Variants in TBC1D2 observed in about 807,000 individuals in gnomAD.
The protein encoded by TBC1D2 is TBC1 domain family member 2A.
Under a neutral mutation model 91.1 loss-of-function variants are expected in TBC1D2, and 58 were observed. That is an observed-to-expected ratio of 0.64 (90% CI 0.52 to 0.79). The LOEUF is 0.79. Among genes scored for constraint, TBC1D2 ranks in the 30% least tolerant of loss-of-function variants. The probability of loss-of-function intolerance (pLI) is 0.00; values close to 1 mark genes in which losing one functional copy is unlikely to be tolerated. For missense variants in TBC1D2, 1,080 were observed against 1,208.3 expected, an observed-to-expected ratio of 0.89 and a Z score of 1.57; for synonymous variants, 482 against 511.5, an observed-to-expected ratio of 0.94 and a Z score of 0.78.
At chr9:98,223,728 C>G (rs148027156) in intron 5 of TBC1D2, among the ~76,000 whole-genome samples, 28 of 152,232 alleles carry the variant, frequency 1.8e-4, no homozygotes, top group Non-Finnish European at 3.5e-4. Flanking sequence ...AGACACCAGC[C>G]CAGGAGGCTC....
intron 9 of TBC1D2, among the ~76,000 whole-genome samples, chr9:98,207,264 AT>A (rs1301803486): frequency 2.1e-4 from 32 of 152,346 alleles, no homozygotes; most frequent in African/African-American, 6.7e-4. Flanking sequence ...CTGAATGTTG[AT>A]TCTGTGTTAA....
In TBC1D2 at chr9:98,244,208, C is replaced by T. The variant is rs117541966; in HGVS notation, c.512-79G>A. The T allele has an allele frequency of 1.0e-3, 1,579 of 1,569,904 alleles. 24 individuals carry two copies. In the East Asian group the frequency reaches 0.032, roughly 32 times the overall value. On this transcript the variant is annotated intron_variant, in intron 2 of 12. Transcript: ENST00000465784. ...CAGGTCAGGTGGGATGCTATGGGTG[C>T]AGCCCTGACTGGGAACAGGCTGGAG...
intron 6 of TBC1D2, among the ~76,000 whole-genome samples, chr9:98,217,560 C>T (rs898002593): frequency 6.6e-6 from 1 of 152,242 alleles, no homozygotes; most frequent in Non-Finnish European, 1.5e-5. Context: ...GTCTGAATAA[C>T]AAGGGGCATT....
chr9:98,218,852 C>T (rs1246142049), intron 6 of TBC1D2, among the ~76,000 whole-genome samples: 7 of 152,182 alleles, frequency 4.6e-5, no homozygotes, highest in Non-Finnish European at 8.8e-5. Flanking sequence ...CACCACAAAT[C>T]TTTCTGACCC....
At chr9:98,246,992 T>TG (rs1433780539) in intron 2 of TBC1D2, among the ~76,000 whole-genome samples, 1 of 148,976 alleles carries the variant, frequency 6.7e-6, no homozygotes, top group South Asian at 2.1e-4. Context: ...CCTGTTTCCA[T>TG]GGGGAGGGTG....
chr9:98,218,244 G>A (rs561455308), intron 6 of TBC1D2, among the ~76,000 whole-genome samples: 2 of 151,926 alleles, frequency 1.3e-5, no homozygotes, highest in Non-Finnish European at 2.9e-5. Context: ...CACATACCCA[G>A]AGTCTCCATG....
chr9:98,208,741 CG>C lies in TBC1D2; in HGVS notation c.2076del (p.Asp693ThrfsTer23), dbSNP rs1564234925. 1.9e-6 allele frequency: 3 copies of C among 1,561,542 alleles called. No individual in the cohort carries two copies. Among genetic ancestry groups the C allele is most frequent in the South Asian group, 2.4e-5 (2 of 82,622 alleles). ...KHFTCPTSSF[P>X]DKLRRVLLAF... ...GCCAGCAGCACCCGGCGGAGCTTGT[CG>C]GGGAAGCTGGAGGTGGGGCAGGTGA... On this transcript the variant is annotated frameshift_variant, in exon 9 of 13. Transcript: ENST00000465784. LOFTEE classifies it high-confidence loss of function.
chr9:98,217,153 C>A (rs1334928125), intron 6 of TBC1D2, among the ~76,000 whole-genome samples: 1 of 152,248 alleles, frequency 6.6e-6, no homozygotes, highest in African/African-American at 2.4e-5. Flanking sequence ...AGTACCTCCC[C>A]CTCCAGCTCG....
At chr9:98,242,162 C>G (rs1011584705) in intron 3 of TBC1D2, among the ~76,000 whole-genome samples, 2 of 152,180 alleles carry the variant, frequency 1.3e-5, no homozygotes, top group Admixed American at 1.3e-4. Context: ...AATGCCCAGG[C>G]TGGGCGTGGT....
At chr9:98,223,921 CG>C (rs1488320364) in intron 5 of TBC1D2, among the ~76,000 whole-genome samples, 2 of 152,146 alleles carry the variant, frequency 1.3e-5, no homozygotes, top group Non-Finnish European at 2.9e-5. Context: ...TAGGTTGGGC[CG>C]GGCGTGGTGG....
intron 8 of TBC1D2, among the ~76,000 whole-genome samples, chr9:98,209,569 TGACA>T (rs938298701): frequency 6.6e-6 from 1 of 152,136 alleles, no homozygotes; most frequent in African/African-American, 2.4e-5. Flanking sequence ...ACAGCACCAA[TGACA>T]GACAGGTGGG....
chr9:98,209,756 T>TTCCCTTCCTTCCTTCCTTCCTTCCTTCC (rs369507489), intron 8 of TBC1D2, among the ~76,000 whole-genome samples: 21 of 105,582 alleles, frequency 2.0e-4, no homozygotes, highest in African/African-American at 7.1e-4. Context: ...CCTTCCTTCC[T>TTCCCTTCCTTCCTTCCTTCCTTCCTTCC]TTCCTTCCTT....
At position 98,228,742 on chromosome 9, in the gene TBC1D2, GC is replaced by G. The variant is rs1256232481; in HGVS notation, c.978+209del. 6.6e-6 allele frequency among the ~76,000 whole-genome samples: 1 copy of G among 151,188 alleles called. No homozygotes were observed. Among genetic ancestry groups the G allele is most frequent in the Non-Finnish European group, 1.5e-5 (1 of 67,716 alleles). On this transcript the variant is annotated intron_variant, in intron 5 of 12. Coordinates refer to ENST00000465784, the MANE Select transcript of TBC1D2 (RefSeq NM_001267571.2). The surrounding 1 kb of genome is among the most constrained non-coding windows in gnomAD (Gnocchi z 4.0). ...TTAGAGTAGATCTCCAGAGATACCT[GC>G]CCTTGGTGCCCTTTTGTGACTTACT...
In TBC1D2 at chr9:98,199,228, C is replaced by G. The variant is rs192334584; in HGVS notation, c.*153G>C. On this transcript the variant is annotated 3_prime_UTR_variant, in exon 13 of 13. Coordinates refer to ENST00000465784, the MANE Select transcript of TBC1D2 (RefSeq NM_001267571.2). ...AATGGCTTTGCAGCACACAATGTCC[C>G]AGTGGGGAAACTGAGGGCCAGAGAG... 8.0e-5 allele frequency: 65 copies of G among 815,382 alleles called. No individual in the cohort carries two copies. Among genetic ancestry groups the G allele is most frequent in the Admixed American group, 7.4e-4 (29 of 38,938 alleles). The allele number at this position is 815,382 out of a possible 1,614,324, so 50.5% of individuals were successfully genotyped here. A position where few individuals can be genotyped will look rare whatever the true frequency, so the allele number is the denominator to read the frequency against.
In TBC1D2 at chr9:98,233,650, A is replaced by G. The variant is rs28660099; in HGVS notation, c.648-101T>C. ...GCTGGAGCTCAGGTCTCATCCCCAC[A>G]CCCTGTCATCCTGACTGGTCTCCCA... On this transcript the variant is annotated intron_variant, in intron 3 of 12. Transcript: ENST00000465784. The G allele has an allele frequency of 8.6e-4, 1,306 of 1,523,516 alleles. 4 individuals carry two copies. In the African/African-American group the frequency reaches 0.012, roughly 14 times the overall value. 94.4% of individuals were successfully genotyped at this position (1,523,516 alleles called of 1,614,324 possible).
Position 98,228,960 on chromosome 9 carries a change from A to G in TBC1D2, c.970T>C (p.Ser324Pro). The change falls in exon 5 of 13, where the codon TCT (serine) becomes CCT (proline). Residue 324 changes from serine (S) to proline (P), a missense_variant. Coordinates refer to ENST00000465784, the MANE Select transcript of TBC1D2 (RefSeq NM_001267571.2). This position sits in a 1 kb window ranked among gnomAD's most constrained non-coding sequence, Gnocchi z 4.0. ...QVLMLTKELK[S>P]QKELVKILHK... ...CTGGGACCAGACCTCACCTTCTGAG[A>G]CTTTAACTCCTTGGTGAGCATCAGA... is the stretch of plus-strand genomic sequence containing the variant. The G allele has an allele frequency of 6.2e-7, 1 of 1,613,758 alleles. No individual in the cohort carries two copies. The highest frequency in any genetic ancestry group is 8.5e-7 in the Non-Finnish European group (1 of 1,179,702).
chr9:98,224,280 CTTTTTT>C (rs1170210699), intron 5 of TBC1D2, among the ~76,000 whole-genome samples: 1 of 107,420 alleles, frequency 9.3e-6, no homozygotes, highest in Non-Finnish European at 1.9e-5. Context: ...TTTTTCTTTT[CTTTTTT>C]TTTTTTTTTT....
chr9:98,237,216 A>C (rs1055505481), intron 3 of TBC1D2, among the ~76,000 whole-genome samples: 1 of 151,914 alleles, frequency 6.6e-6, no homozygotes, highest in African/African-American at 2.4e-5. Context: ...TCATGCCTGT[A>C]ATCCCAGCTT....
intron 4 of TBC1D2, among the ~76,000 whole-genome samples, chr9:98,232,342 G>GTTTTTTTTTTTGT (rs1829391130): frequency 1.2e-5 from 1 of 86,772 alleles, no homozygotes. Flanking sequence ...CTCTTTTTCT[G>GTTTTTTTTTTTGT]TTTTTTTTTT....
Sources: allele counts gnomAD v4.1 joint callset (sites outside exome capture counted in the v4.1 genomes callset), GRCh38; gene constraint gnomAD v4.1.1; non-coding constraint Gnocchi (gnomAD v3.1); transcripts MANE v1.5; gene names NCBI Gene and HGNC (gene_info 2026-07-23, HGNC 2026-07-21).